Variants in SLC24A3 observed in about 807,000 individuals in gnomAD.
SLC24A3 encodes solute carrier family 24 member 3, also known as sodium/potassium/calcium exchanger 3.
A neutral mutation model predicts 75.8 loss-of-function variants in SLC24A3; 28 were observed. That is an observed-to-expected ratio of 0.37 (90% confidence interval 0.27 to 0.51). The LOEUF is 0.51. SLC24A3 is among the 20% of genes least tolerant of loss of function. The pLI, the probability that SLC24A3 is intolerant of heterozygous loss-of-function variation, is 0.94. For synonymous variants in SLC24A3, 372 were observed against 334.1 expected (o/e 1.11, Z -1.24); for missense variants, 663 against 847.8 (o/e 0.78, Z 2.71).
chr20:19,263,152 C>T (rs1983050658), intron 1 of SLC24A3, among the ~76,000 whole-genome samples: 1 of 151,920 alleles, frequency 6.6e-6, no homozygotes, highest in Non-Finnish European at 1.5e-5. Flanking sequence ...TCTGGCTTCC[C>T]ATCAGATGAC....
At chr20:19,484,832 G>A (rs6046135) in intron 2 of SLC24A3, among the ~76,000 whole-genome samples, 63,564 of 151,962 alleles carry the variant, frequency 0.42, 13,490 homozygotes, top group East Asian at 0.53. Context: ...GAAAAATTTT[G>A]TGCTGTGTAC....
intron 2 of SLC24A3, among the ~76,000 whole-genome samples, chr20:19,482,536 A>G (rs994075137): frequency 2.0e-5 from 3 of 152,328 alleles, no homozygotes; most frequent in African/African-American, 4.8e-5. Flanking sequence ...TTAAATCACC[A>G]CTTGCTTTCA....
chr20:19,582,523 GAGA>G (rs2031232553), intron 4 of SLC24A3, among the ~76,000 whole-genome samples: 1 of 152,214 alleles, frequency 6.6e-6, no homozygotes, highest in Non-Finnish European at 1.5e-5. Context: ...ATGGGAGAAA[GAGA>G]AGGAGATAAA....
chr20:19,454,823 C>T (rs1568622743), intron 2 of SLC24A3, among the ~76,000 whole-genome samples: 1 of 152,120 alleles, frequency 6.6e-6, no homozygotes, highest in Non-Finnish European at 1.5e-5. Flanking sequence ...AATGTAAGTG[C>T]AGGAAGGGTG....
chr20:19,559,185 C>T (rs181957093), intron 3 of SLC24A3, among the ~76,000 whole-genome samples: 9 of 152,308 alleles, frequency 5.9e-5, no homozygotes, highest in Non-Finnish European at 1.0e-4. Context: ...AGAGGTACCT[C>T]ATTGTGGCTT....
At chr20:19,650,454 C>T (rs900593141) in intron 6 of SLC24A3, among the ~76,000 whole-genome samples, 4 of 152,178 alleles carry the variant, frequency 2.6e-5, no homozygotes, top group African/African-American at 9.7e-5. Flanking sequence ...AGCCATCTTC[C>T]AGTCCCACCA....
chr20:19,232,534 GTTTA>G (rs562121285), intron 1 of SLC24A3, among the ~76,000 whole-genome samples: 75 of 152,130 alleles, frequency 4.9e-4, no homozygotes, highest in Non-Finnish European at 9.1e-4. Flanking sequence ...AAATATTATA[GTTTA>G]TTTGAGATAT....
At position 19,228,929 on chromosome 20, in the gene SLC24A3, T is replaced by C. The variant is rs534365300; in HGVS notation, c.142+15945T>C. 5.1e-4 allele frequency among the ~76,000 whole-genome samples: 78 copies of C among 152,328 alleles called. No individual in the cohort carries two copies. In the South Asian group the frequency reaches 0.015, roughly 30 times the overall value. On this transcript the variant is annotated intron_variant, in intron 1 of 16. Transcript: ENST00000328041. ...CACACTAACTTTACAAATGAATTGATAATTTCTATGTTCCTCTATGTTCTG... is the reference window on the plus strand; with the variant it reads ...CACACTAACTTTACAAATGAATTGACAATTTCTATGTTCCTCTATGTTCTG...
At chr20:19,264,827 G>A (rs1262495655) in intron 1 of SLC24A3, among the ~76,000 whole-genome samples, 2 of 152,014 alleles carry the variant, frequency 1.3e-5, no homozygotes, top group Non-Finnish European at 2.9e-5. Flanking sequence ...GGAAGCCACA[G>A]CCTCATTCTT....
intron 10 of SLC24A3, among the ~76,000 whole-genome samples, chr20:19,682,374 G>A (rs1284426498): frequency 1.3e-5 from 2 of 152,220 alleles, no homozygotes; most frequent in East Asian, 1.9e-4. Flanking sequence ...GTCCCAGCTG[G>A]CCTTGAGAGG....
rs557235158 is a variant in SLC24A3, at chr20:19,470,534, G to T, written c.272-44954G>T. 2.6e-5 allele frequency among the ~76,000 whole-genome samples: 4 copies of T among 152,292 alleles called. No homozygotes were observed. In the East Asian group the frequency reaches 7.7e-4, roughly 29 times the overall value. On this transcript the variant is annotated intron_variant, in intron 2 of 16. Coordinates refer to ENST00000328041, the MANE Select transcript of SLC24A3 (RefSeq NM_020689.4). ...TGGTCACTCAGATGCACAGCATTAAGTCTGTACGCTGAACTTCTCCCCCTC... is the reference window on the plus strand; with the variant it reads ...TGGTCACTCAGATGCACAGCATTAATTCTGTACGCTGAACTTCTCCCCCTC...
intron 2 of SLC24A3, among the ~76,000 whole-genome samples, chr20:19,448,280 G>A (rs949133258): frequency 6.6e-6 from 1 of 152,226 alleles, no homozygotes; most frequent in Non-Finnish European, 1.5e-5. Context: ...ATTGTTAATA[G>A]CTACTATGTA....
intron 9 of SLC24A3, among the ~76,000 whole-genome samples, chr20:19,679,523 A>AGGGAGACCGTGGGGAGG: frequency 1.4e-5 from 2 of 139,866 alleles, no homozygotes; most frequent in Non-Finnish European, 3.1e-5. Flanking sequence ...CCGTGGGGAG[A>AGGGAGACCGTGGGGAGG]GGGAGACCGT....
intron 2 of SLC24A3, among the ~76,000 whole-genome samples, chr20:19,339,622 C>A (rs1985222442): frequency 6.6e-6 from 1 of 152,136 alleles, no homozygotes; most frequent in Non-Finnish European, 1.5e-5. Context: ...GAGATACCAC[C>A]CCGATCTACC....
chr20:19,566,807 G>C (rs921117003), intron 3 of SLC24A3, among the ~76,000 whole-genome samples: 15 of 152,190 alleles, frequency 9.9e-5, no homozygotes, highest in Non-Finnish European at 1.0e-4. Flanking sequence ...ATCATGCTTG[G>C]CAGCAGGGCT....
chr20:19,457,350 G>A (rs762504226), intron 2 of SLC24A3, among the ~76,000 whole-genome samples: 18 of 151,844 alleles, frequency 1.2e-4, no homozygotes, highest in Non-Finnish European at 2.4e-4. Flanking sequence ...AATTAGGTTG[G>A]GTCATTTTCA....
chr20:19,384,283 T>C (rs1986233208), intron 2 of SLC24A3, among the ~76,000 whole-genome samples: 1 of 152,204 alleles, frequency 6.6e-6, no homozygotes, highest in Admixed American at 6.5e-5. Context: ...CCAGAACTTA[T>C]TCATCCTGCG....
At chr20:19,234,657 A>T (rs570368089) in intron 1 of SLC24A3, among the ~76,000 whole-genome samples, 1 of 152,296 alleles carries the variant, frequency 6.6e-6, no homozygotes, top group South Asian at 2.1e-4. Flanking sequence ...CTGACTTCAG[A>T]GAGAGCTGCA....
At chr20:19,340,400 C>T (rs1985244183) in intron 2 of SLC24A3, among the ~76,000 whole-genome samples, 1 of 152,224 alleles carries the variant, frequency 6.6e-6, no homozygotes, top group Non-Finnish European at 1.5e-5. Context: ...AAGGAACCAG[C>T]TTTGCTGACA....
Sources: allele counts gnomAD v4.1 joint callset (sites outside exome capture counted in the v4.1 genomes callset), GRCh38; gene constraint gnomAD v4.1.1; transcripts MANE v1.5; gene names NCBI Gene and HGNC (gene_info 2026-07-23, HGNC 2026-07-21).